The following PTPRT variants were observed in gnomAD, a reference collection of about 807,000 sequenced individuals.
PTPRT encodes protein tyrosine phosphatase receptor type T, also known as receptor-type tyrosine-protein phosphatase T.
PTPRT carries 56 observed loss-of-function variants against 176.8 expected under a neutral mutation model. The ratio of observed to expected loss-of-function variants is 0.32; its 90% CI spans 0.26 to 0.40. The LOEUF is 0.40. Ranked by LOEUF, PTPRT falls within the 10% of genes least tolerant of loss-of-function variation. PTPRT has a pLI of 1.00. For missense variants in PTPRT, 1,540 were observed against 1,908.2 expected (o/e 0.81, Z 3.60); for synonymous variants, 783 against 739.0 (o/e 1.06, Z -0.96).
intron 1 of PTPRT, among the ~76,000 whole-genome samples, chr20:42,908,429 A>G (rs1001995052): frequency 1.3e-5 from 2 of 152,134 alleles, no homozygotes; most frequent in African/African-American, 4.8e-5. Context: ...ACCAGCAAAT[A>G]CCACAAACAC....
intron 9 of PTPRT, among the ~76,000 whole-genome samples, chr20:42,445,345 A>G (rs1026798492): frequency 6.6e-6 from 1 of 152,210 alleles, no homozygotes; most frequent in Non-Finnish European, 1.5e-5. Flanking sequence ...TAATCCTATA[A>G]GGCCATTTTA....
intron 6 of PTPRT, among the ~76,000 whole-genome samples, chr20:42,703,559 T>A: frequency 6.6e-6 from 1 of 152,200 alleles, no homozygotes; most frequent in East Asian, 1.9e-4. Context: ...ATGATCCAAC[T>A]GATGCTCCTC....
chr20:43,183,568 T>C (rs562413839), intron 1 of PTPRT, among the ~76,000 whole-genome samples: 1 of 152,250 alleles, frequency 6.6e-6, no homozygotes, highest in Non-Finnish European at 1.5e-5. Context: ...GGTACTATTC[T>C]ATACCTTTTA....
At chr20:42,176,615 A>G (rs1279607763) in intron 16 of PTPRT, among the ~76,000 whole-genome samples, 4 of 152,236 alleles carry the variant, frequency 2.6e-5, no homozygotes, top group Non-Finnish European at 5.9e-5. Context: ...AAGACTAAGT[A>G]ATGCCTCACA....
the PTPRT span, chr20:42,063,968 G>T: frequency 6.6e-6 from 1 of 151,632 alleles, no homozygotes; most frequent in Non-Finnish European, 1.5e-5. Flanking sequence ...GTAATAAAAC[G>T]CACTGAATTG....
intron 7 of PTPRT, among the ~76,000 whole-genome samples, chr20:42,554,102 T>C (rs1332954121): frequency 1.3e-5 from 2 of 152,236 alleles, no homozygotes; most frequent in South Asian, 2.1e-4. Flanking sequence ...AAAAACGTTC[T>C]TGGGAGAAGA....
At chr20:42,152,071 G>T (rs1184073051) in intron 17 of PTPRT, among the ~76,000 whole-genome samples, 1 of 152,236 alleles carries the variant, frequency 6.6e-6, no homozygotes, top group Non-Finnish European at 1.5e-5. Flanking sequence ...CAATCGAAGA[G>T]CATTGCATCT....
At chr20:42,417,971 C>T (rs568168682) in intron 9 of PTPRT, among the ~76,000 whole-genome samples, 40 of 152,036 alleles carry the variant, frequency 2.6e-4, no homozygotes, top group Non-Finnish European at 5.0e-4. Context: ...ATTTTTTGAT[C>T]CCCTACAATG....
At chr20:43,183,928 G>C (rs2015326903) in intron 1 of PTPRT, among the ~76,000 whole-genome samples, 1 of 152,192 alleles carries the variant, frequency 6.6e-6, no homozygotes, top group Non-Finnish European at 1.5e-5. Context: ...TTGTTTTCAG[G>C]TTTTGGCTTC....
intron 3 of PTPRT, among the ~76,000 whole-genome samples, chr20:42,785,626 C>G (rs932879212): frequency 1.3e-5 from 2 of 152,172 alleles, no homozygotes; most frequent in African/African-American, 4.8e-5. Flanking sequence ...TGTATAACAT[C>G]TCTCTCCAAA....
chr20:42,108,369 T>G lies in PTPRT; in HGVS notation c.3255-1448A>C, dbSNP rs1376312221. Among the ~76,000 whole-genome samples, 4 of 152,296 alleles carry G rather than the reference T, an allele frequency of 2.6e-5. No individual in the cohort carries two copies. In the East Asian group the frequency reaches 7.7e-4, roughly 29 times the overall value. On this transcript the variant is annotated intron_variant, in intron 23 of 30. Coordinates refer to ENST00000373187, the MANE Select transcript of PTPRT (RefSeq NM_007050.6). ...GACCTCGGGCAAATGACTTAACCTC[T>G]CTGGGTTTCAATACTCATCTATAAA...
At chr20:42,473,825 T>C (rs926591578) in intron 7 of PTPRT, among the ~76,000 whole-genome samples, 1 of 152,230 alleles carries the variant, frequency 6.6e-6, no homozygotes, top group South Asian at 2.1e-4. Context: ...ATGTGATAGA[T>C]ACACCCAGAA....
At chr20:42,342,382 C>T (rs1310346484) in intron 11 of PTPRT, among the ~76,000 whole-genome samples, 6 of 152,184 alleles carry the variant, frequency 3.9e-5, no homozygotes, top group African/African-American at 9.7e-5. Context: ...AACAAAGCTA[C>T]GTCTTCTCCC....
intron 1 of PTPRT, among the ~76,000 whole-genome samples, chr20:43,077,860 T>C (rs1489735050): frequency 6.6e-6 from 1 of 152,236 alleles, no homozygotes; most frequent in East Asian, 1.9e-4. Context: ...CCTTTGCTCA[T>C]GCTGTTCTCT....
intron 1 of PTPRT, among the ~76,000 whole-genome samples, chr20:43,049,362 T>C (rs935504692): frequency 1.3e-5 from 2 of 152,176 alleles, no homozygotes; most frequent in Middle Eastern, 3.2e-3. Flanking sequence ...CATGCATACA[T>C]ACGTAGACAC....
chr20:42,186,297 T>A (rs944505630), intron 16 of PTPRT, among the ~76,000 whole-genome samples: 3 of 152,030 alleles, frequency 2.0e-5, no homozygotes, highest in African/African-American at 7.2e-5. Flanking sequence ...ATAAGCATGG[T>A]TGTGTTCTAA....
At chr20:43,083,333 T>TACATATATAC (rs1568773932) in intron 1 of PTPRT, among the ~76,000 whole-genome samples, 1 of 100,570 alleles carries the variant, frequency 9.9e-6, no homozygotes, top group African/African-American at 4.5e-5. Flanking sequence ...TATATATATA[T>TACATATATAC]ATATATATAT....
At chr20:42,647,760 C>A (rs941392230) in intron 7 of PTPRT, among the ~76,000 whole-genome samples, 1 of 152,152 alleles carries the variant, frequency 6.6e-6, no homozygotes, top group African/African-American at 2.4e-5. Context: ...GTCTGTGATA[C>A]CGGCTGACGC....
intron 2 of PTPRT, among the ~76,000 whole-genome samples, chr20:42,810,793 C>G (rs1048369599): frequency 6.6e-6 from 1 of 152,208 alleles, no homozygotes; most frequent in African/African-American, 2.4e-5. Context: ...GGTGGAAAAA[C>G]TAGATTACTT....
Sources: allele counts gnomAD v4.1 joint callset (sites outside exome capture counted in the v4.1 genomes callset), GRCh38; gene constraint gnomAD v4.1.1; transcripts MANE v1.5; gene names NCBI Gene and HGNC (gene_info 2026-07-23, HGNC 2026-07-21).